CCDC163: variants seen among roughly 807,000 people sequenced by gnomAD.
CCDC163 encodes the protein CCDC163 homolog.
A neutral mutation model predicts 8.2 loss-of-function variants in CCDC163; 13 were observed. The observed-to-expected ratio is 1.59, with a 90% CI of 1.04 to 2.54. The LOEUF (loss-of-function observed/expected upper bound fraction) is 2.54. Ranked by LOEUF, CCDC163 falls within the 30% of genes most tolerant of loss-of-function variation. The pLI is 0.00. For synonymous variants in CCDC163, 41 were observed against 30.9 expected (o/e 1.33, Z -1.08); for missense variants, 117 against 78.6 (o/e 1.49, Z -1.85).
chr1:45,497,679 CG>C (rs1643361088), intron 2 of CCDC163, among the ~76,000 whole-genome samples: 1 of 24,350 alleles, frequency 4.1e-5, no homozygotes, highest in African/African-American at 1.7e-4. Flanking sequence ...CGTCTCCGCC[CG>C]GCAGCCACCC....
intron 2 of CCDC163, among the ~76,000 whole-genome samples, chr1:45,497,695 C>A (rs1236794786): frequency 2.4e-5 from 1 of 41,332 alleles, no homozygotes; most frequent in Admixed American, 2.9e-4. Flanking sequence ...CCACCCCGTC[C>A]GGGAGGGAGG....
Position 45,495,035 on chromosome 1 carries a change from T to G in CCDC163, c.*24A>C, listed in dbSNP as rs1432831254. 1 of 780,718 alleles carries G rather than the reference T, an allele frequency of 1.3e-6. No homozygotes were observed. Among genetic ancestry groups the G allele is most frequent in the East Asian group, 2.4e-5 (1 of 41,240 alleles). 48.4% of individuals were successfully genotyped at this position (780,718 alleles called of 1,614,324 possible). On this transcript the variant is annotated 3_prime_UTR_variant, in exon 5 of 5. Coordinates refer to ENST00000629482, the MANE Select transcript of CCDC163 (RefSeq NM_001102601.3). ...GGCAAAGAAGCCTTCATCCTACTAT[T>G]CTTAACGAGTCCTTACAGGTCATTC... is the stretch of plus-strand genomic sequence containing the variant.
At chr1:45,497,688 C>T (rs373024152) in intron 2 of CCDC163, among the ~76,000 whole-genome samples, 1 of 62,772 alleles carries the variant, frequency 1.6e-5, no homozygotes. Flanking sequence ...CCGGCAGCCA[C>T]CCCGTCCGGG....
rs1308944064 is a variant in CCDC163 at position 45,499,349 on chromosome 1, G to T, written c.173C>A (p.Pro58Gln). 6 of 775,904 alleles carry T rather than the reference G, an allele frequency of 7.7e-6. No homozygotes were observed. Among genetic ancestry groups the T allele is most frequent in the South Asian group, 5.4e-5 (4 of 73,696 alleles). 48.1% of individuals were successfully genotyped at this position (775,904 alleles called of 1,614,324 possible). The change falls in exon 2 of 5, where the codon CCG becomes CAG. Residue 58 changes from proline (P) to glutamine (Q), a missense_variant. Pro to Gln is a moderately conservative substitution (Grantham distance 76). Coordinates refer to ENST00000629482, the MANE Select transcript of CCDC163 (RefSeq NM_001102601.3). Reference protein sequence around the residue: ...SSGCIFLGSPPQNSTAVTPAV... With the variant: ...SSGCIFLGSPQQNSTAVTPAV... The stretch of plus-strand genomic sequence containing the variant: ...GTAGAAAGAGACATTACTTACCTGC[G>T]GTGGAGACCCCAAGAAGATACAGCC...
rs182622648 is a variant in CCDC163 at position 45,494,903 on chromosome 1, G to T, written c.*156C>A. 9 of 617,934 alleles carry T rather than the reference G, an allele frequency of 1.5e-5. No homozygotes were observed. In the African/African-American group the frequency reaches 1.5e-4, roughly 10 times the overall value. 38.3% of individuals were successfully genotyped at this position (617,934 alleles called of 1,614,324 possible). ...AGGTTGCAGTGAGCTGAGATGGGGGGCAAGGATGGGCAGGCAGTGAAAAGC... is the reference window on the plus strand; with the variant it reads ...AGGTTGCAGTGAGCTGAGATGGGGGTCAAGGATGGGCAGGCAGTGAAAAGC... On this transcript the variant is annotated 3_prime_UTR_variant, in exon 5 of 5. Coordinates refer to ENST00000629482, the MANE Select transcript of CCDC163 (RefSeq NM_001102601.3).
At chr1:45,497,934 A>G (rs1643389888) in intron 2 of CCDC163, among the ~76,000 whole-genome samples, 2 of 147,656 alleles carry the variant, frequency 1.4e-5, no homozygotes, top group Non-Finnish European at 3.0e-5. Flanking sequence ...TTTGTGGAAT[A>G]GAAAGGGGGG....
At position 45,495,683 on chromosome 1, in the gene CCDC163, T is replaced by C. The variant is rs1442218200; in HGVS notation, c.331-517A>G. 23 of 484,272 alleles carry C rather than the reference T, an allele frequency of 4.7e-5. 1 individual carries two copies. In the African/African-American group the frequency reaches 5.9e-4, roughly 13 times the overall value. 30.0% of individuals were successfully genotyped at this position (484,272 alleles called of 1,614,324 possible). A position where few individuals can be genotyped will look rare whatever the true frequency, so the allele number is the denominator to read the frequency against. Reference sequence around the variant, plus strand: ...TTTTTTTTTTTTTTTTTTTTTTTTTTTGAGATGGAGTCTCACTCTGTCACC... The same window carrying C: ...TTTTTTTTTTTTTTTTTTTTTTTTTCTGAGATGGAGTCTCACTCTGTCACC... On this transcript the variant is annotated intron_variant, in intron 4 of 4. Transcript: ENST00000629482.
intron 2 of CCDC163, among the ~76,000 whole-genome samples, chr1:45,497,621 G>T (rs1370658387): frequency 3.2e-4 from 37 of 114,076 alleles, no homozygotes; most frequent in African/African-American, 6.0e-4. Context: ...CCAAAGTGCC[G>T]AGACTGCAGC....
intron 2 of CCDC163, among the ~76,000 whole-genome samples, chr1:45,497,641 G>C (rs1355821278): frequency 1.8e-5 from 2 of 110,986 alleles, no homozygotes; most frequent in Admixed American, 1.1e-4. Context: ...CCTCTGCCCG[G>C]CCGCCACCCC....
Position 45,494,869 on chromosome 1 carries a change from G to T in CCDC163, c.*190C>A. On this transcript the variant is annotated 3_prime_UTR_variant, in exon 5 of 5. Coordinates refer to ENST00000629482, the MANE Select transcript of CCDC163 (RefSeq NM_001102601.3). ...TGAGGCAGGACAATTGCTTGAACCT[G>T]GGAGGCGGAGGTTGCAGTGAGCTGA... The T allele has an allele frequency of 1.7e-6, 1 of 583,086 alleles. No individual in the cohort carries two copies. Among genetic ancestry groups the T allele is most frequent in the Middle Eastern group, 4.6e-4 (1 of 2,180 alleles). 36.1% of individuals were successfully genotyped at this position (583,086 alleles called of 1,614,324 possible).
chr1:45,495,188 G>A (rs745416772), intron 4 of CCDC163, 22 bp from the exon 5 acceptor site: 1 of 780,850 alleles, frequency 1.3e-6, no homozygotes, highest in Admixed American at 1.7e-5. Flanking sequence ...GAAAAGGGAA[G>A]AGAAAACAAG....
chr1:45,497,480 C>A, intron 2 of CCDC163, 97 bp from the exon 3 acceptor site: 1 of 648,120 alleles, frequency 1.5e-6, no homozygotes, highest in Non-Finnish European at 2.9e-6. Flanking sequence ...TGTCCCACTA[C>A]AAATGCCAAA....
At chr1:45,497,644 G>C (rs1233018714) in intron 2 of CCDC163, among the ~76,000 whole-genome samples, 1 of 101,334 alleles carries the variant, frequency 9.9e-6, no homozygotes, top group African/African-American at 4.0e-5. Context: ...CTGCCCGGCC[G>C]CCACCCCGTC....
intron 4 of CCDC163, chr1:45,496,161 G>A: frequency 2.9e-6 from 1 of 344,534 alleles, no homozygotes; most frequent in Non-Finnish European, 5.6e-6. Context: ...CATACCCCCT[G>A]ACCTAAGGAG....
intron 2 of CCDC163, among the ~76,000 whole-genome samples, chr1:45,497,787 C>T: frequency 7.0e-6 from 1 of 142,292 alleles, no homozygotes; most frequent in Admixed American, 7.0e-5. Context: ...CGGCCAGCCA[C>T]CCCATCCGGG....
chr1:45,495,265 A>G, intron 4 of CCDC163, 99 bp from the exon 5 acceptor site: 1 of 744,090 alleles, frequency 1.3e-6, no homozygotes, highest in Non-Finnish European at 2.5e-6. Flanking sequence ...AGGGACATAG[A>G]GGACTGACAG....
chr1:45,496,920 G>A (rs1035732821), intron 3 of CCDC163, among the ~76,000 whole-genome samples: 1 of 152,236 alleles, frequency 6.6e-6, no homozygotes, highest in Non-Finnish European at 1.5e-5. Context: ...CAGCACTTTG[G>A]GAGGCCAAGG....
chr1:45,494,829 A>G lies in CCDC163; in HGVS notation c.*230T>C, dbSNP rs568799297. The G allele has an allele frequency of 1.9e-6, 1 of 525,030 alleles. No homozygotes were observed. The highest frequency in any genetic ancestry group is 3.1e-5 in the Admixed American group (1 of 31,838). 32.5% of individuals were successfully genotyped at this position (525,030 alleles called of 1,614,324 possible). On this transcript the variant is annotated 3_prime_UTR_variant, in exon 5 of 5. Coordinates refer to ENST00000629482, the MANE Select transcript of CCDC163 (RefSeq NM_001102601.3). ...AAAATTAGCGCACACCTGTAATCCC[A>G]GCTACTTGGGAGGCTGAGGCAGGAC...
chr1:45,497,611 C>A (rs1432453406), intron 2 of CCDC163, among the ~76,000 whole-genome samples: 4 of 130,080 alleles, frequency 3.1e-5, no homozygotes, highest in African/African-American at 3.0e-5. Flanking sequence ...CCTTGGCCTC[C>A]CAAAGTGCCG....
Sources: allele counts gnomAD v4.1 joint callset (sites outside exome capture counted in the v4.1 genomes callset), GRCh38; gene constraint gnomAD v4.1.1; transcripts MANE v1.5; gene names NCBI Gene and HGNC (gene_info 2026-07-23, HGNC 2026-07-21).